HDAC9: variants seen among roughly 807,000 people sequenced by gnomAD.
HDAC9 encodes the protein histone deacetylase 9.
Under a neutral mutation model 139.4 loss-of-function variants are expected in HDAC9, and 41 were observed. That is an observed-to-expected ratio of 0.29 (90% confidence interval 0.23 to 0.38). HDAC9 has a LOEUF of 0.38. HDAC9 is among the 10% of genes least tolerant of loss of function. The pLI, the probability that HDAC9 is intolerant of heterozygous loss-of-function variation, is 1.00. For missense variants in HDAC9, 1,147 were observed against 1,297.0 expected, an observed-to-expected ratio of 0.88 and a Z score of 1.78; for synonymous variants, 517 against 476.2, an observed-to-expected ratio of 1.09 and a Z score of -1.12.
Position 18,786,583 on chromosome 7 carries a change from TGG to T in HDAC9, c.2215-6761_2215-6760del, listed in dbSNP as rs1491558232. Among the ~76,000 whole-genome samples, 34 of 99,672 alleles carry T rather than the reference TGG, an allele frequency of 3.4e-4. 2 individuals are homozygous for T. Among genetic ancestry groups the T allele is most frequent in the African/African-American group, 1.7e-3 (33 of 19,058 alleles). 65.4% of individuals were successfully genotyped at this position (99,672 alleles called of 152,430 possible). ...GTCACACCTCTTGGGTATGGCTGGCTGGCTTCCTTCCTTCCTTCCTTCCTTCC... is the reference window on the plus strand; with the variant it reads ...GTCACACCTCTTGGGTATGGCTGGCTCTTCCTTCCTTCCTTCCTTCCTTCC... On this transcript the variant is annotated intron_variant, in intron 16 of 25. Coordinates refer to ENST00000686413, the MANE Select transcript of HDAC9 (RefSeq NM_178425.4).
intron 2 of HDAC9, among the ~76,000 whole-genome samples, chr7:18,584,108 C>A (rs1220054045): frequency 6.7e-6 from 1 of 149,156 alleles, no homozygotes; most frequent in Non-Finnish European, 1.5e-5. Flanking sequence ...GTGAGTTTTC[C>A]TGCTTAAACT....
At chr7:18,769,634 A>G (rs1790117164) in intron 16 of HDAC9, among the ~76,000 whole-genome samples, 1 of 152,104 alleles carries the variant, frequency 6.6e-6, no homozygotes. Context: ...GTTTACAGGA[A>G]TGAAATAGTT....
chr7:18,094,195 C>G (rs996141141), intron 1 of HDAC9, among the ~76,000 whole-genome samples: 3 of 152,160 alleles, frequency 2.0e-5, no homozygotes, highest in African/African-American at 7.2e-5. Flanking sequence ...GTCCACCCTT[C>G]TAGAATACTA....
chr7:18,598,621 A>G (rs1165121510), intron 6 of HDAC9, among the ~76,000 whole-genome samples: 4 of 152,208 alleles, frequency 2.6e-5, no homozygotes, highest in Non-Finnish European at 4.4e-5. Flanking sequence ...CATACCTAGG[A>G]TTTAAGGAGT....
chr7:18,764,827 T>C (rs1474947926), intron 15 of HDAC9, among the ~76,000 whole-genome samples: 2 of 152,188 alleles, frequency 1.3e-5, no homozygotes, highest in African/African-American at 2.4e-5. Flanking sequence ...TTTCCCTTGA[T>C]AGTTGTGTTC....
intron 1 of HDAC9, among the ~76,000 whole-genome samples, chr7:18,428,740 A>G (rs1790353962): frequency 6.6e-6 from 1 of 152,190 alleles, no homozygotes; most frequent in Non-Finnish European, 1.5e-5. Context: ...ACCCTCCAGT[A>G]GCTTCCCATC....
At chr7:18,268,056 A>G (rs1428806218) in intron 2 of HDAC9, among the ~76,000 whole-genome samples, 2 of 152,192 alleles carry the variant, frequency 1.3e-5, no homozygotes, top group African/African-American at 4.8e-5. Context: ...CTACTCAGTT[A>G]TTGGAATAAT....
intron 2 of HDAC9, among the ~76,000 whole-genome samples, chr7:18,179,345 C>T (rs1789202914): frequency 6.6e-6 from 1 of 152,138 alleles, no homozygotes; most frequent in South Asian, 2.1e-4. Context: ...TGCCCCAGTC[C>T]AAATGAGTGA....
At chr7:18,273,983 A>T (rs1584954389) in intron 2 of HDAC9, among the ~76,000 whole-genome samples, 1 of 152,166 alleles carries the variant, frequency 6.6e-6, no homozygotes, top group East Asian at 1.9e-4. Context: ...AATTCTGAGG[A>T]ATGTAAATTG....
intron 1 of HDAC9, among the ~76,000 whole-genome samples, chr7:18,099,042 C>T (rs1002476535): frequency 6.6e-6 from 1 of 152,132 alleles, no homozygotes; most frequent in Non-Finnish European, 1.5e-5. Context: ...TCCTTTGTGA[C>T]TTGTGCTGTA....
intron 2 of HDAC9, among the ~76,000 whole-genome samples, chr7:18,508,301 G>A (rs965364335): frequency 2.6e-5 from 4 of 152,150 alleles, no homozygotes; most frequent in African/African-American, 9.7e-5. Context: ...AAAAAAAGTA[G>A]ATTTTCCTTC....
At chr7:18,914,893 G>A (rs1373633350) in intron 22 of HDAC9, among the ~76,000 whole-genome samples, 2 of 151,962 alleles carry the variant, frequency 1.3e-5, no homozygotes, top group African/African-American at 4.8e-5. Flanking sequence ...TATAAATATT[G>A]GAATACTTTA....
intron 1 of HDAC9, among the ~76,000 whole-genome samples, chr7:18,329,848 G>C (rs1281624030): frequency 6.6e-6 from 1 of 151,746 alleles, no homozygotes; most frequent in East Asian, 1.9e-4. Context: ...CTGGCCCCCA[G>C]AAGTACTGAA....
chr7:18,691,397 C>CTTA (rs1229016270), intron 12 of HDAC9, among the ~76,000 whole-genome samples: 8 of 151,936 alleles, frequency 5.3e-5, no homozygotes, highest in African/African-American at 1.9e-4. Context: ...TCTTTCTGAT[C>CTTA]TTATATTCAT....
chr7:18,342,554 T>C (rs532677512), intron 1 of HDAC9, among the ~76,000 whole-genome samples: 1 of 151,994 alleles, frequency 6.6e-6, no homozygotes, highest in African/African-American at 2.4e-5. Context: ...AAGAAAAATG[T>C]TTTAAATGCT....
intron 1 of HDAC9, among the ~76,000 whole-genome samples, chr7:18,308,029 C>A (rs1799045585): frequency 6.6e-6 from 1 of 152,124 alleles, no homozygotes; most frequent in African/African-American, 2.4e-5. Context: ...AAAACCATTT[C>A]TGATACCTAC....
At chr7:18,609,943 A>G (rs1836642723) in intron 6 of HDAC9, among the ~76,000 whole-genome samples, 1 of 152,076 alleles carries the variant, frequency 6.6e-6, no homozygotes, top group Non-Finnish European at 1.5e-5. Flanking sequence ...CCATGTCCCT[A>G]CAAAGGACAT....
intron 22 of HDAC9, among the ~76,000 whole-genome samples, chr7:18,901,221 TACACAC>T (rs373441653): frequency 2.9e-4 from 36 of 123,134 alleles, no homozygotes; most frequent in South Asian, 9.1e-4. Context: ...TATATATATA[TACACAC>T]ACACACACAC....
At chr7:18,620,041 G>C (rs751019286) in intron 6 of HDAC9, among the ~76,000 whole-genome samples, 2 of 152,124 alleles carry the variant, frequency 1.3e-5, no homozygotes, top group Non-Finnish European at 2.9e-5. Flanking sequence ...AAGACTCTCT[G>C]TCTTTTCTCT....
Sources: allele counts gnomAD v4.1 joint callset (sites outside exome capture counted in the v4.1 genomes callset), GRCh38; gene constraint gnomAD v4.1.1; transcripts MANE v1.5; gene names NCBI Gene and HGNC (gene_info 2026-07-23, HGNC 2026-07-21).